Variants in GABRG3 observed in about 807,000 individuals in gnomAD.
GABRG3 encodes gamma-aminobutyric acid receptor subunit gamma-3.
In GABRG3, 25 loss-of-function variants were observed where a neutral mutation model predicts 48.8. That is an observed-to-expected ratio of 0.51 (90% CI 0.37 to 0.72). The LOEUF is 0.72. Among genes scored for constraint, GABRG3 ranks in the 30% least tolerant of loss-of-function variants. The pLI, the probability that GABRG3 is intolerant of heterozygous loss-of-function variation, is 0.00. For synonymous variants in GABRG3, 227 were observed against 217.6 expected, an observed-to-expected ratio of 1.04 and a Z score of -0.38; for missense variants, 394 against 577.9, an observed-to-expected ratio of 0.68 and a Z score of 3.26.
At chr15:27,171,886 TG>T (rs1281139239) in intron 3 of GABRG3, among the ~76,000 whole-genome samples, 1 of 152,198 alleles carries the variant, frequency 6.6e-6, no homozygotes, top group Non-Finnish European at 1.5e-5. Context: ...AAAGAAAAGC[TG>T]TCTATTTGGC....
intron 3 of GABRG3, among the ~76,000 whole-genome samples, chr15:27,235,521 G>A (rs1889932340): frequency 6.6e-6 from 1 of 152,200 alleles, no homozygotes; most frequent in Non-Finnish European, 1.5e-5. Flanking sequence ...GAAAGCTGAG[G>A]TGTGGGTGGG....
intron 8 of GABRG3, 128 bp downstream of exon 8, chr15:27,527,757 C>A: frequency 9.5e-7 from 1 of 1,049,970 alleles, no homozygotes. Context: ...TTCAACAAGA[C>A]TTTTCAAAAC....
At chr15:27,246,213 A>G (rs554120146) in intron 3 of GABRG3, among the ~76,000 whole-genome samples, 1 of 152,330 alleles carries the variant, frequency 6.6e-6, no homozygotes, top group East Asian at 1.9e-4. Flanking sequence ...GAACCTGATG[A>G]CATGTGGATG....
chr15:27,388,143 TAAGGAAGGAAGGAAGA>T (rs1380989312), intron 5 of GABRG3, among the ~76,000 whole-genome samples: 310 of 25,188 alleles, frequency 0.012, 4 homozygotes, highest in African/African-American at 0.019. Flanking sequence ...GGAGGGAGGG[TAAGGAAGGAAGGAAGA>T]AAGGAAGGAA....
chr15:27,082,652 T>C (rs933872902), intron 3 of GABRG3, among the ~76,000 whole-genome samples: 7 of 152,226 alleles, frequency 4.6e-5, no homozygotes, highest in Non-Finnish European at 1.0e-4. Context: ...CATTCCGTAG[T>C]TGCAGAACGT....
chr15:27,166,211 A>G (rs537829656), intron 3 of GABRG3, among the ~76,000 whole-genome samples: 28 of 151,330 alleles, frequency 1.9e-4, no homozygotes, highest in African/African-American at 6.2e-4. Flanking sequence ...CTCAACTAAT[A>G]TTCAGATAAT....
At chr15:27,026,902 A>T in intron 3 of GABRG3, 81 bp downstream of exon 3, 1 of 954,092 alleles carries the variant, frequency 1.0e-6, no homozygotes, top group East Asian at 2.7e-5. Context: ...TCTGTTTGAG[A>T]TTTATCATGC....
chr15:27,378,036 G>T (rs895378017), intron 5 of GABRG3, among the ~76,000 whole-genome samples: 6 of 151,968 alleles, frequency 3.9e-5, no homozygotes, highest in Non-Finnish European at 8.8e-5. Context: ...CTTTACAGAG[G>T]ATTAACTGGC....
intron 6 of GABRG3, among the ~76,000 whole-genome samples, chr15:27,519,567 TG>T (rs1891109763): frequency 6.6e-6 from 1 of 152,224 alleles, no homozygotes; most frequent in Non-Finnish European, 1.5e-5. Flanking sequence ...ATAGCTTTGT[TG>T]TCATTGGAAA....
intron 4 of GABRG3, among the ~76,000 whole-genome samples, chr15:27,327,549 G>T (rs190551444): frequency 6.6e-6 from 1 of 152,170 alleles, no homozygotes; most frequent in Non-Finnish European, 1.5e-5. Context: ...CTGGGAGCCT[G>T]TCTCTCCCAG....
At chr15:27,158,172 C>CT (rs1240664356) in intron 3 of GABRG3, 1 of 152,078 alleles carries the variant, frequency 6.6e-6, no homozygotes, top group African/African-American at 2.4e-5. Flanking sequence ...GGAATAAGAC[C>CT]TGAGTTGAAA....
intron 3 of GABRG3, among the ~76,000 whole-genome samples, chr15:27,148,570 T>C (rs951972323): frequency 1.3e-5 from 2 of 151,990 alleles, no homozygotes; most frequent in African/African-American, 4.8e-5. Context: ...CAACACCTCA[T>C]ACAAATATAC....
At chr15:27,112,935 T>C (rs1343053708) in intron 3 of GABRG3, among the ~76,000 whole-genome samples, 1 of 152,206 alleles carries the variant, frequency 6.6e-6, no homozygotes. Context: ...ACTTTGTTCT[T>C]CAATTCTAAG....
At chr15:27,297,712 C>A (rs1317652867) in intron 3 of GABRG3, among the ~76,000 whole-genome samples, 1 of 152,190 alleles carries the variant, frequency 6.6e-6, no homozygotes, top group African/African-American at 2.4e-5. Context: ...CAATGTATGA[C>A]TATATAGTTG....
In GABRG3 at chr15:26,974,710, T is replaced by G. The variant is rs986296109; in HGVS notation, c.54-2292T>G. On this transcript the variant is annotated intron_variant, in intron 1 of 9. Coordinates refer to ENST00000615808, the MANE Select transcript of GABRG3 (RefSeq NM_033223.5). This position sits in a 1 kb window ranked among gnomAD's most constrained non-coding sequence, Gnocchi z 4.3. ...GCCCTTGCTGTGGAGTGATTTGCCC[T>G]GTCCCGTGGGCAGTGCTTGATTCCC... is the stretch of plus-strand genomic sequence containing the variant. Among the ~76,000 whole-genome samples the G allele has an allele frequency of 2.0e-5, 3 of 152,084 alleles. No homozygotes were observed. Among genetic ancestry groups the G allele is most frequent in the African/African-American group, 7.2e-5 (3 of 41,416 alleles).
intron 7 of GABRG3, among the ~76,000 whole-genome samples, chr15:27,520,599 C>A (rs1891134941): frequency 3.0e-5 from 2 of 67,058 alleles, no homozygotes; most frequent in African/African-American, 8.9e-5. Flanking sequence ...TGAGCACACA[C>A]TAAAACTCAG....
rs58222645 is a variant in GABRG3, at chr15:27,518,195, CAA to C, written c.713-1757_713-1756del. Among the ~76,000 whole-genome samples, 648 of 88,030 alleles carry C rather than the reference CAA, an allele frequency of 7.4e-3. 5 individuals carry two copies. The highest frequency in any genetic ancestry group is 0.018 in the African/African-American group (421 of 23,476). The allele number at this position is 88,030 out of a possible 152,430, so 57.8% of individuals were successfully genotyped here. A position where few individuals can be genotyped will look rare whatever the true frequency, so the allele number is the denominator to read the frequency against. ...TGAAACCCCAACTCTACTAAAAATACAAAAAAAAAAAAAAAAAAAAAGAATTA... is the reference window on the plus strand; with the variant it reads ...TGAAACCCCAACTCTACTAAAAATACAAAAAAAAAAAAAAAAAAAGAATTA... On this transcript the variant is annotated intron_variant, in intron 6 of 9. Transcript: ENST00000615808.
intron 2 of GABRG3, among the ~76,000 whole-genome samples, chr15:27,007,544 G>A (rs1489727728): frequency 1.3e-5 from 2 of 152,308 alleles, no homozygotes; most frequent in South Asian, 2.1e-4. Context: ...CAGTGGATAA[G>A]CGTTCCTTTT....
At chr15:27,436,631 G>T (rs922332490) in intron 5 of GABRG3, among the ~76,000 whole-genome samples, 2 of 152,164 alleles carry the variant, frequency 1.3e-5, no homozygotes, top group African/African-American at 2.4e-5. Context: ...AGATTAACCT[G>T]GAGGGCTGGA....
Sources: gnomAD v4.1 joint callset for allele counts (sites outside exome capture counted in the v4.1 genomes callset) on GRCh38, gnomAD v4.1.1 for gene constraint, Gnocchi (gnomAD v3.1) non-coding constraint, MANE v1.5 for transcripts, NCBI Gene and HGNC (gene_info 2026-07-23, HGNC 2026-07-21) for gene names.